SYN3: variants seen among roughly 807,000 people sequenced by gnomAD.
SYN3 encodes synapsin III.
SYN3 carries 35 observed loss-of-function variants against 65.8 expected under a neutral mutation model. The ratio of observed to expected loss-of-function variants is 0.53; its 90% confidence interval spans 0.41 to 0.70. The LOEUF (loss-of-function observed/expected upper bound fraction) is 0.70. Ranked by LOEUF, SYN3 falls within the 30% of genes least tolerant of loss-of-function variation. The probability of loss-of-function intolerance (pLI) is 0.00; values close to 1 mark genes in which losing one functional copy is unlikely to be tolerated. For synonymous variants in SYN3, 270 were observed against 292.9 expected, an observed-to-expected ratio of 0.92 and a Z score of 0.80; for missense variants, 680 against 749.0, an observed-to-expected ratio of 0.91 and a Z score of 1.08.
At chr22:32,940,741 G>A (rs1199280019) in intron 3 of SYN3, among the ~76,000 whole-genome samples, 2 of 152,068 alleles carry the variant, frequency 1.3e-5, no homozygotes, top group East Asian at 3.9e-4. Context: ...CCTGTTTCAA[G>A]TTGTCACAAT....
At chr22:32,986,864 T>C (rs899620266) in intron 2 of SYN3, among the ~76,000 whole-genome samples, 2 of 152,072 alleles carry the variant, frequency 1.3e-5, no homozygotes, top group African/African-American at 4.8e-5. Flanking sequence ...TGGTCTCATA[T>C]TTTACTGCCA....
At chr22:32,911,081 G>C (rs9609653) in intron 4 of SYN3, among the ~76,000 whole-genome samples, 2 of 152,060 alleles carry the variant, frequency 1.3e-5, no homozygotes, top group African/African-American at 4.8e-5. Context: ...CAATTTGCAC[G>C]AGGAGTTCCA....
intron 6 of SYN3, among the ~76,000 whole-genome samples, chr22:32,758,905 C>T (rs1258370497): frequency 6.6e-6 from 1 of 150,866 alleles, no homozygotes; most frequent in Non-Finnish European, 1.5e-5. Flanking sequence ...GTATGCATTC[C>T]CAGTCCCCCT....
At chr22:32,946,656 G>A (rs546067864) in intron 3 of SYN3, among the ~76,000 whole-genome samples, 135 of 152,150 alleles carry the variant, frequency 8.9e-4, no homozygotes, top group Admixed American at 2.0e-3. Flanking sequence ...AAACCTGCAC[G>A]TTTTGCACAT....
intron 4 of SYN3, among the ~76,000 whole-genome samples, chr22:32,872,782 C>A (rs1448886609): frequency 6.6e-6 from 1 of 152,036 alleles, no homozygotes; most frequent in Non-Finnish European, 1.5e-5. Context: ...TGCAGTCACC[C>A]CAACATTTAA....
chr22:32,740,291 G>T (rs2061388285), intron 6 of SYN3, among the ~76,000 whole-genome samples: 1 of 152,206 alleles, frequency 6.6e-6, no homozygotes. Context: ...GGTGCAATGT[G>T]GAACATGAAT....
intron 3 of SYN3, among the ~76,000 whole-genome samples, chr22:32,963,751 G>A (rs2051734338): frequency 6.6e-6 from 1 of 152,162 alleles, no homozygotes; most frequent in East Asian, 1.9e-4. Context: ...CCCTGGTGCT[G>A]CCTAAAGACT....
chr22:33,008,943 A>G (rs1412642027), intron 1 of SYN3, among the ~76,000 whole-genome samples: 1 of 84,434 alleles, frequency 1.2e-5, no homozygotes, highest in African/African-American at 5.2e-5. Flanking sequence ...AAAAAAAAAA[A>G]AAAAAAAAAA....
intron 4 of SYN3, among the ~76,000 whole-genome samples, chr22:32,892,042 C>A (rs2146479993): frequency 6.6e-6 from 1 of 151,954 alleles, no homozygotes; most frequent in South Asian, 2.1e-4. Flanking sequence ...TACCTGTAAT[C>A]CTAGCACTTT....
intron 7 of SYN3, among the ~76,000 whole-genome samples, chr22:32,565,862 A>G (rs2058666094): frequency 2.0e-5 from 3 of 151,894 alleles, no homozygotes; most frequent in Middle Eastern, 3.4e-3. Flanking sequence ...ACAGGCACCC[A>G]CCACCACGCC....
intron 4 of SYN3, among the ~76,000 whole-genome samples, chr22:32,916,621 G>A (rs5998655): frequency 1.1e-3 from 175 of 152,258 alleles, no homozygotes; most frequent in African/African-American, 4.0e-3. Context: ...CTGTGCAATG[G>A]CTTTTAAAGT....
At chr22:32,778,584 A>T (rs2045962130) in intron 6 of SYN3, among the ~76,000 whole-genome samples, 1 of 152,058 alleles carries the variant, frequency 6.6e-6, no homozygotes, top group South Asian at 2.1e-4. Context: ...GAGCCACCGC[A>T]CCCGGCCAAG....
At chr22:32,967,218 C>A (rs941426017) in intron 3 of SYN3, among the ~76,000 whole-genome samples, 2 of 152,176 alleles carry the variant, frequency 1.3e-5, no homozygotes, top group Non-Finnish European at 2.9e-5. Flanking sequence ...TCAGGCACCG[C>A]CAGTGGAAAC....
chr22:33,014,159 T>TC (rs1039727909), intron 1 of SYN3, among the ~76,000 whole-genome samples: 75 of 151,886 alleles, frequency 4.9e-4, no homozygotes, highest in African/African-American at 1.7e-3. Flanking sequence ...CAAGCAATTC[T>TC]CCTGCTTAGA....
intron 6 of SYN3, among the ~76,000 whole-genome samples, chr22:32,745,646 C>T (rs2044910095): frequency 6.6e-6 from 1 of 152,128 alleles, no homozygotes; most frequent in African/African-American, 2.4e-5. Context: ...CCTCCAAGTA[C>T]CTGCAGAGCC....
At position 32,631,300 on chromosome 22, in the gene SYN3, C is replaced by G. The variant is rs75977434; in HGVS notation, c.712-34564G>C. ...ACAAGAGCGAAACTCCATCTCAAAA[C>G]GAAACAAGCAAAAAAAAAAAAAAAA... On this transcript the variant is annotated intron_variant, in intron 6 of 13. Coordinates refer to ENST00000358763, the MANE Select transcript of SYN3 (RefSeq NM_003490.4). Among the ~76,000 whole-genome samples, 227 of 101,792 alleles carry G rather than the reference C, an allele frequency of 2.2e-3. 3 individuals carry two copies. The East Asian group carries it at 0.053, about 24-fold the overall frequency. The allele number at this position is 101,792 out of a possible 152,430, so 66.8% of individuals were successfully genotyped here. A position where few individuals can be genotyped will look rare whatever the true frequency, so the allele number is the denominator to read the frequency against.
chr22:32,931,437 G>T lies in SYN3; in HGVS notation c.414C>A (p.Gly138=), dbSNP rs1404398687. The T allele has an allele frequency of 6.2e-7, 1 of 1,613,812 alleles. No homozygotes were observed. Among genetic ancestry groups the T allele is most frequent in the East Asian group, 2.2e-5 (1 of 44,894 alleles). ...ELNLAAYVTG[G]CMVDMQVVRN... ...TCACGACCTGCATGTCCACCATGCA[G>T]CCCCCGGTCACATAGGCAGCTAGGT... Residue 138 remains glycine (G), a synonymous_variant, in exon 4 of 14, where the codon GGC becomes GGA. Coordinates refer to ENST00000358763, the MANE Select transcript of SYN3 (RefSeq NM_003490.4).
At chr22:32,879,533 G>A (rs1050630859) in intron 4 of SYN3, among the ~76,000 whole-genome samples, 1 of 152,128 alleles carries the variant, frequency 6.6e-6, no homozygotes, top group South Asian at 2.1e-4. Flanking sequence ...AAGGGGGAAG[G>A]GAGCTCTCTC....
At chr22:32,857,484 T>A in intron 6 of SYN3, 4 of 787,050 alleles carry the variant, frequency 5.1e-6, no homozygotes, top group Non-Finnish European at 8.8e-6. Context: ...GAGTCTCTAA[T>A]GTTGAATTCA....
Sources: gnomAD v4.1 joint callset for allele counts (sites outside exome capture counted in the v4.1 genomes callset) on GRCh38, gnomAD v4.1.1 for gene constraint, MANE v1.5 for transcripts, NCBI Gene and HGNC (gene_info 2026-07-23, HGNC 2026-07-21) for gene names.